The following ATF2 variants were observed in gnomAD, a reference collection of about 807,000 sequenced individuals.
ATF2 encodes activating transcription factor 2, also known as cyclic AMP-dependent transcription factor ATF-2.
In ATF2, 24 loss-of-function variants were observed where a neutral mutation model predicts 60.6. The ratio of observed to expected loss-of-function variants is 0.40; its 90% CI spans 0.29 to 0.56. The LOEUF (loss-of-function observed/expected upper bound fraction) is 0.56. Among genes scored for constraint, ATF2 ranks in the 20% least tolerant of loss-of-function variants. ATF2 has a pLI of 0.54. For synonymous variants in ATF2, 206 were observed against 215.4 expected (o/e 0.96, Z 0.38); for missense variants, 433 against 607.7 (o/e 0.71, Z 3.02).
At chr2:175,101,759 T>G (rs16863035) in intron 10 of ATF2, among the ~76,000 whole-genome samples, 1 of 152,198 alleles carries the variant, frequency 6.6e-6, no homozygotes, top group African/African-American at 2.4e-5. Context: ...GGGTATACAG[T>G]ACTCATCCAG....
intron 9 of ATF2, among the ~76,000 whole-genome samples, chr2:175,112,776 G>T (rs1228406409): frequency 6.6e-6 from 1 of 151,968 alleles, no homozygotes; most frequent in Non-Finnish European, 1.5e-5. Context: ...GTAGAGATGG[G>T]GTTTTGCCAT....
chr2:175,133,657 G>C (rs1050767656), intron 3 of ATF2, among the ~76,000 whole-genome samples: 28 of 152,176 alleles, frequency 1.8e-4, no homozygotes, highest in African/African-American at 6.7e-4. Flanking sequence ...TTTAAAAAAT[G>C]CCCCATGAAT....
intron 11 of ATF2, among the ~76,000 whole-genome samples, chr2:175,094,504 G>C (rs1163276024): frequency 1.3e-5 from 2 of 150,646 alleles, no homozygotes; most frequent in Non-Finnish European, 2.9e-5. Flanking sequence ...CAATCCAAAG[G>C]AGAAGCCTGA....
At chr2:175,085,486 T>C (rs1202089131) in intron 12 of ATF2, among the ~76,000 whole-genome samples, 1 of 151,034 alleles carries the variant, frequency 6.6e-6, no homozygotes, top group Non-Finnish European at 1.5e-5. Context: ...ACCACTGCAT[T>C]CCAGCCTGGG....
Position 175,113,974 on chromosome 2 carries a change from A to G in ATF2, c.741+20T>C, listed in dbSNP as rs114644677. 38,622 of 1,576,530 alleles carry G rather than the reference A, an allele frequency of 0.024. 578 individuals are homozygous for G. The highest frequency in any genetic ancestry group is 0.028 in the Non-Finnish European group (31,971 of 1,150,504). On this transcript the variant is annotated intron_variant, in intron 9 of 13. Coordinates refer to ENST00000264110, the MANE Select transcript of ATF2 (RefSeq NM_001880.4). ...AAGATCAGTTTTGCGATAGAGATTT[A>G]AATAGTCTAACTTTCTTACTGGGAC...
intron 10 of ATF2, among the ~76,000 whole-genome samples, chr2:175,106,774 T>C (rs1200966752): frequency 1.1e-4 from 16 of 152,132 alleles, no homozygotes; most frequent in Admixed American, 1.0e-3. Flanking sequence ...AGGCAGAGGT[T>C]GCAGTGAACT....
At chr2:175,167,961 T>G in intron 1 of ATF2, 89 bp downstream of exon 1, 1 of 337,946 alleles carries the variant, frequency 3.0e-6, no homozygotes, top group South Asian at 2.2e-5. Flanking sequence ...GGGTGGGGAC[T>G]GTGCTGAGCG....
At chr2:175,167,522 A>G (rs1268509988) in intron 1 of ATF2, 1 of 430,906 alleles carries the variant, frequency 2.3e-6, no homozygotes, top group Admixed American at 2.5e-5. Flanking sequence ...TTCTATTTTC[A>G]GCCGCGCCTC....
chr2:175,161,325 G>A (rs565313001), intron 1 of ATF2, among the ~76,000 whole-genome samples: 5 of 152,316 alleles, frequency 3.3e-5, no homozygotes, highest in Admixed American at 3.3e-4. Flanking sequence ...CATGCCTGGA[G>A]GGCTAGGCTA....
intron 13 of ATF2, among the ~76,000 whole-genome samples, chr2:175,076,310 C>G (rs1559041697): frequency 6.6e-6 from 1 of 152,048 alleles, no homozygotes; most frequent in Non-Finnish European, 1.5e-5. Context: ...AACCATACCC[C>G]TAGATACTTG....
chr2:175,126,060 T>C (rs79582420), intron 4 of ATF2, among the ~76,000 whole-genome samples: 5,196 of 152,240 alleles, frequency 0.034, 294 homozygotes, highest in African/African-American at 0.12. Flanking sequence ...TCCCATTCTC[T>C]CTTCAACCTA....
intron 2 of ATF2, among the ~76,000 whole-genome samples, chr2:175,150,197 TG>T (rs1699216124): frequency 6.6e-6 from 1 of 152,188 alleles, no homozygotes; most frequent in Admixed American, 6.5e-5. Flanking sequence ...ATAAATGTAT[TG>T]ACAGATTTAA....
intron 12 of ATF2, among the ~76,000 whole-genome samples, chr2:175,084,129 C>G (rs1366176421): frequency 1.3e-5 from 2 of 152,034 alleles, no homozygotes; most frequent in African/African-American, 2.4e-5. Flanking sequence ...TTGACCCAGC[C>G]ATCCCATTAC....
chr2:175,095,461 G>A (rs916942415), intron 11 of ATF2, among the ~76,000 whole-genome samples: 1 of 152,058 alleles, frequency 6.6e-6, no homozygotes, highest in African/African-American at 2.4e-5. Context: ...GTTTATTTTT[G>A]TTTTTAATTG....
chr2:175,126,911 A>G (rs1293373005), intron 4 of ATF2: 1 of 152,162 alleles, frequency 6.6e-6, no homozygotes, highest in Non-Finnish European at 1.5e-5. Flanking sequence ...ACTATCTCTC[A>G]TTCCATTTAA....
At chr2:175,075,482 A>G (rs1693230399) in intron 13 of ATF2, among the ~76,000 whole-genome samples, 1 of 152,172 alleles carries the variant, frequency 6.6e-6, no homozygotes, top group Non-Finnish European at 1.5e-5. Flanking sequence ...TAAACATTGC[A>G]TCTGAAAAGA....
At chr2:175,121,590 T>G (rs772438956) in intron 4 of ATF2, 50 bp from the exon 5 acceptor site, 2 of 1,354,778 alleles carry the variant, frequency 1.5e-6, no homozygotes, top group Admixed American at 3.8e-5. Flanking sequence ...TTTGATCAAA[T>G]AAGTAAAATG....
chr2:175,124,754 A>G (rs970907204), intron 4 of ATF2, among the ~76,000 whole-genome samples: 1 of 152,012 alleles, frequency 6.6e-6, no homozygotes, highest in African/African-American at 2.4e-5. Flanking sequence ...CCTTTATAAA[A>G]CAGCTTATAA....
intron 4 of ATF2, among the ~76,000 whole-genome samples, chr2:175,123,141 A>G (rs1697084425): frequency 6.6e-6 from 1 of 152,066 alleles, no homozygotes; most frequent in Non-Finnish European, 1.5e-5. Flanking sequence ...CTGTCTTCCT[A>G]TTACTTTATC....
Sources: gnomAD v4.1 joint callset for allele counts (sites outside exome capture counted in the v4.1 genomes callset) on GRCh38, gnomAD v4.1.1 for gene constraint, MANE v1.5 for transcripts, NCBI Gene and HGNC (gene_info 2026-07-23, HGNC 2026-07-21) for gene names.